The following ZBTB38 variants were observed in gnomAD, a reference collection of about 807,000 sequenced individuals.
ZBTB38 encodes the protein zinc finger and BTB domain-containing protein 38.
A neutral mutation model predicts 76.8 loss-of-function variants in ZBTB38; 20 were observed. The observed-to-expected ratio is 0.26, with a 90% CI of 0.18 to 0.38. The LOEUF (loss-of-function observed/expected upper bound fraction) is 0.38, where lower values mean the gene tolerates loss of function less well. Ranked by LOEUF, ZBTB38 falls within the 10% of genes least tolerant of loss-of-function variation. The pLI, the probability that ZBTB38 is intolerant of heterozygous loss-of-function variation, is 1.00. For synonymous variants in ZBTB38, 504 were observed against 544.2 expected, an observed-to-expected ratio of 0.93 and a Z score of 1.03; for missense variants, 1,082 against 1,482.3, an observed-to-expected ratio of 0.73 and a Z score of 4.43.
At chr3:141,338,504 A>G (rs1943079203) in intron 1 of ZBTB38, among the ~76,000 whole-genome samples, 1 of 152,220 alleles carries the variant, frequency 6.6e-6, no homozygotes, top group Non-Finnish European at 1.5e-5. Flanking sequence ...TAACATGGAT[A>G]GAGCTGGAGG....
At chr3:141,334,381 C>T (rs1323098148) in intron 1 of ZBTB38, among the ~76,000 whole-genome samples, 1 of 151,544 alleles carries the variant, frequency 6.6e-6, no homozygotes, top group Non-Finnish European at 1.5e-5. Context: ...TCCCTCCCTC[C>T]ATTTTTCCTT....
rs751298250 is a variant in ZBTB38 at position 141,445,284 on chromosome 3, C to A, written c.2896C>A (p.Pro966Thr). The change falls in exon 6 of 6, where the codon CCT becomes ACT. Residue 966 changes from proline (P) to threonine (T), a missense_variant. Physicochemically the swap from Pro to Thr is conservative, Grantham distance 38. Around this residue, in one of 8 missense-constraint regions of ZBTB38, gnomAD observed 471 missense variants for 581.0 expected, o/e 0.81. Transcript: ENST00000321464. The surrounding 1 kb of genome is among the most constrained non-coding windows in gnomAD (Gnocchi z 6.5). Reference protein sequence around the residue: ...AELDCAVGKAPQDKPFEEEET... With the variant: ...AELDCAVGKATQDKPFEEEET... ...ACTGGATTGCGCCGTGGGGAAGGCT[C>A]CTCAGGATAAACCCTTTGAGGAAGA... 1 of 1,614,172 alleles carries A rather than the reference C, an allele frequency of 6.2e-7. No individual in the cohort carries two copies. Among genetic ancestry groups the A allele is most frequent in the Middle Eastern group, 1.7e-4 (1 of 6,060 alleles).
intron 1 of ZBTB38, among the ~76,000 whole-genome samples, chr3:141,361,161 G>GAT (rs758224044): frequency 1.1e-4 from 17 of 152,330 alleles, no homozygotes; most frequent in South Asian, 2.1e-4. Context: ...TGTTGAGTGT[G>GAT]ATAACCCCTT....
chr3:141,432,008 G>A (rs368311818), intron 5 of ZBTB38: 8 of 767,640 alleles, frequency 1.0e-5, no homozygotes, highest in African/African-American at 5.7e-5. Flanking sequence ...GATCTGATGC[G>A]TGTGTTTCTA....
chr3:141,404,562 C>T (rs1280180913), intron 5 of ZBTB38, among the ~76,000 whole-genome samples: 1 of 152,188 alleles, frequency 6.6e-6, no homozygotes, highest in Non-Finnish European at 1.5e-5. Flanking sequence ...GCACACTAAG[C>T]TCTACCTTGG....
chr3:141,394,810 A>G (rs1424592820), intron 4 of ZBTB38, among the ~76,000 whole-genome samples: 1 of 152,192 alleles, frequency 6.6e-6, no homozygotes, highest in Non-Finnish European at 1.5e-5. Context: ...TGGGAATCTG[A>G]ACTACACGTT....
chr3:141,329,392 T>G (rs1185781646), intron 1 of ZBTB38, among the ~76,000 whole-genome samples: 4 of 152,220 alleles, frequency 2.6e-5, no homozygotes, highest in Admixed American at 2.6e-4. Context: ...CCCAGCTTAA[T>G]TTTATTTCCC....
rs900477948 is a variant in ZBTB38, at chr3:141,447,859, T to G, written c.*1883T>G. ...AGTAACCCCACTATTGTATCTGCATTTATCTTTTGTTCATCTACTTTCACT... is the reference window on the plus strand; with the variant it reads ...AGTAACCCCACTATTGTATCTGCATGTATCTTTTGTTCATCTACTTTCACT... On this transcript the variant is annotated 3_prime_UTR_variant, in exon 6 of 6. Coordinates refer to ENST00000321464, the MANE Select transcript of ZBTB38 (RefSeq NM_001376113.1). The G allele has an allele frequency of 1.3e-5, 2 of 152,644 alleles. No homozygotes were observed. The highest frequency in any genetic ancestry group is 2.9e-5 in the Non-Finnish European group (2 of 68,030). 9.5% of individuals were successfully genotyped at this position (152,644 alleles called of 1,614,324 possible).
intron 5 of ZBTB38, among the ~76,000 whole-genome samples, chr3:141,427,444 A>T (rs1461349693): frequency 1.3e-5 from 2 of 152,214 alleles, no homozygotes; most frequent in South Asian, 2.1e-4. Context: ...CAGAAGCAGC[A>T]TGTGCAAACG....
At chr3:141,342,969 A>C (rs1943241808) in intron 1 of ZBTB38, among the ~76,000 whole-genome samples, 1 of 152,150 alleles carries the variant, frequency 6.6e-6, no homozygotes, top group African/African-American at 2.4e-5. Context: ...TGCAATGTCA[A>C]TATATGGAGC....
In ZBTB38 at chr3:141,344,461, A is replaced by G. The variant is rs1243380099; in HGVS notation, c.-739+20005A>G. ...ACAACTCACTACAGCCTCAACCTCC[A>G]AGGCTGAAATGATCCTCTTGCCTCA... On this transcript the variant is annotated intron_variant, in intron 1 of 7. Transcript: ENST00000509842. Among the ~76,000 whole-genome samples the G allele has an allele frequency of 5.3e-5, 8 of 152,118 alleles. No individual in the cohort carries two copies. The South Asian group carries it at 8.3e-4, about 16-fold the overall frequency.
chr3:141,362,144 G>A (rs1390218512), intron 1 of ZBTB38, among the ~76,000 whole-genome samples: 1 of 152,082 alleles, frequency 6.6e-6, no homozygotes, highest in African/African-American at 2.4e-5. Flanking sequence ...GGAGGGGAAA[G>A]AGTTTAGGGT....
intron 5 of ZBTB38, among the ~76,000 whole-genome samples, chr3:141,421,502 T>G (rs1208921050): frequency 6.6e-6 from 1 of 152,056 alleles, no homozygotes; most frequent in Non-Finnish European, 1.5e-5. Context: ...TTTTTTTGTT[T>G]TGTTTTGTTT....
At chr3:141,338,145 T>C (rs1474648258) in intron 1 of ZBTB38, among the ~76,000 whole-genome samples, 3 of 152,166 alleles carry the variant, frequency 2.0e-5, no homozygotes, top group African/African-American at 4.8e-5. Flanking sequence ...AAATAACAGA[T>C]GCTGGTGAGG....
chr3:141,344,708 T>C lies in ZBTB38; in HGVS notation c.-739+20252T>C, dbSNP rs149793778. 7.9e-5 allele frequency among the ~76,000 whole-genome samples: 12 copies of C among 152,356 alleles called. No individual in the cohort carries two copies. In the East Asian group the frequency reaches 2.1e-3, roughly 27 times the overall value. On this transcript the variant is annotated intron_variant, in intron 1 of 7. Transcript: ENST00000509842. ...TCAAAGCCAGCATTGTGCATTTCTC[T>C]GACCTTTCTTCATAGTCATGTCTCT... is the stretch of plus-strand genomic sequence containing the variant.
At chr3:141,340,956 A>AAGAAAGAAAGAAAGAG (rs1943169512) in intron 1 of ZBTB38, among the ~76,000 whole-genome samples, 1 of 142,808 alleles carries the variant, frequency 7.0e-6, no homozygotes, top group African/African-American at 2.6e-5. Flanking sequence ...GAAGGAAAGA[A>AAGAAAGAAAGAAAGAG]AGAAAGAAAG....
chr3:141,336,617 G>T (rs1423475503), intron 1 of ZBTB38, among the ~76,000 whole-genome samples: 2 of 152,154 alleles, frequency 1.3e-5, no homozygotes. Context: ...CCAAAGTGCT[G>T]GGATTACAGG....
chr3:141,377,894 C>T (rs9822195), intron 2 of ZBTB38, among the ~76,000 whole-genome samples: 47,332 of 152,066 alleles, frequency 0.31, 7,945 homozygotes, highest in African/African-American at 0.35. Flanking sequence ...CTGACAAAAT[C>T]ACAGTGATAG....
rs764073068 is a variant in ZBTB38 at position 141,444,307 on chromosome 3, A to T, written c.1919A>T (p.Asp640Val). Reference protein sequence around the residue: ...AIPLETSACQDIPTSANVQNA... With the variant: ...AIPLETSACQVIPTSANVQNA... ...CCATTGGAAACATCTGCATGTCAGG[A>T]CATACCCACTTCTGCCAATGTACAA... is the stretch of plus-strand genomic sequence containing the variant. The change falls in exon 6 of 6, where the codon GAC becomes GTC. Residue 640 changes from aspartate (D) to valine (V), a missense_variant. Around this residue, in one of 8 missense-constraint regions of ZBTB38, gnomAD observed 471 missense variants for 581.0 expected, o/e 0.81. Transcript: ENST00000321464. The surrounding 1 kb of genome is among the most constrained non-coding windows in gnomAD (Gnocchi z 5.1). 6.2e-7 allele frequency: 1 copy of T among 1,614,114 alleles called. No homozygotes were observed. Among genetic ancestry groups the T allele is most frequent in the Non-Finnish European group, 8.5e-7 (1 of 1,180,050 alleles).
Sources: gnomAD v4.1 joint callset for allele counts (sites outside exome capture counted in the v4.1 genomes callset) on GRCh38, gnomAD v4.1.1 for gene constraint, gnomAD v4.1.1 regional missense constraint, Gnocchi (gnomAD v3.1) non-coding constraint, MANE v1.5 for transcripts, NCBI Gene and HGNC (gene_info 2026-07-23, HGNC 2026-07-21) for gene names.